The following RANBP2 variants were observed in gnomAD, a reference collection of about 807,000 sequenced individuals.
RANBP2 encodes E3 SUMO-protein ligase RanBP2.
Under a neutral mutation model 303.6 loss-of-function variants are expected in RANBP2, and 57 were observed. That is an observed-to-expected ratio of 0.19 (90% CI 0.15 to 0.23). The LOEUF (loss-of-function observed/expected upper bound fraction) is 0.23. Ranked by LOEUF, RANBP2 falls within the 10% of genes least tolerant of loss-of-function variation. The probability of loss-of-function intolerance (pLI) is 1.00; values close to 1 mark genes in which losing one functional copy is unlikely to be tolerated. For synonymous variants in RANBP2, 1,167 were observed against 1,301.5 expected, an observed-to-expected ratio of 0.90 and a Z score of 2.23; for missense variants, 3,138 against 3,780.8, an observed-to-expected ratio of 0.83 and a Z score of 4.46.
At chr2:108,894,625 T>G in the RANBP2 span, 4 of 152,670 alleles carry the variant, frequency 2.6e-5, no homozygotes, top group Non-Finnish European at 2.9e-5. Flanking sequence ...TGCAGAATTA[T>G]GAATATCTCC....
the RANBP2 span, among the ~76,000 whole-genome samples, chr2:108,927,350 C>G: frequency 6.6e-6 from 1 of 152,200 alleles, no homozygotes; most frequent in Non-Finnish European, 1.5e-5. Context: ...GCCCAGAGAG[C>G]AGCCTGCCCA....
chr2:108,861,631 C>G, the RANBP2 span, among the ~76,000 whole-genome samples: 2 of 152,074 alleles, frequency 1.3e-5, no homozygotes, highest in Admixed American at 1.3e-4. Context: ...CAGGTGCACA[C>G]CGCCACACCT....
the RANBP2 span, among the ~76,000 whole-genome samples, chr2:109,052,487 C>T: frequency 5.3e-5 from 8 of 152,154 alleles, no homozygotes; most frequent in Non-Finnish European, 1.0e-4. Flanking sequence ...GCCTCAACAT[C>T]GTCTGATTTT....
the RANBP2 span, among the ~76,000 whole-genome samples, chr2:108,815,473 T>TTG: frequency 0.012 from 1,610 of 138,268 alleles, 44 homozygotes; most frequent in African/African-American, 0.043. Flanking sequence ...TTTTTTTTTT[T>TTG]TTTTTTTTTT....
the RANBP2 span, among the ~76,000 whole-genome samples, chr2:109,766,596 A>G: frequency 6.6e-6 from 1 of 150,564 alleles, no homozygotes; most frequent in Non-Finnish European, 1.5e-5. Flanking sequence ...GGGTTTTAAA[A>G]TGCTAAGAAT....
the RANBP2 span, among the ~76,000 whole-genome samples, chr2:109,131,882 A>G: frequency 1.3e-5 from 2 of 152,212 alleles, no homozygotes; most frequent in Non-Finnish European, 2.9e-5. Flanking sequence ...TTATTTAACT[A>G]ATAAGCAGGA....
the RANBP2 span, among the ~76,000 whole-genome samples, chr2:109,254,336 A>G: frequency 6.6e-6 from 1 of 152,272 alleles, no homozygotes; most frequent in East Asian, 1.9e-4. Context: ...TTCTACCTGT[A>G]TAATCCTGTG....
chr2:109,555,205 C>T, the RANBP2 span, among the ~76,000 whole-genome samples: 1 of 152,100 alleles, frequency 6.6e-6, no homozygotes, highest in East Asian at 1.9e-4. Flanking sequence ...AATAAGGTCC[C>T]ACCTCCTTTA....
the RANBP2 span, among the ~76,000 whole-genome samples, chr2:109,438,427 G>T: frequency 2.0e-5 from 3 of 152,190 alleles, no homozygotes; most frequent in African/African-American, 4.8e-5. Flanking sequence ...TGTGCTGGTG[G>T]TGTACCTGTC....
the RANBP2 span, among the ~76,000 whole-genome samples, chr2:109,494,480 T>A: frequency 6.6e-6 from 1 of 151,404 alleles, no homozygotes; most frequent in African/African-American, 2.4e-5. Context: ...GGGAAAATGC[T>A]GACTCCTCGG....
the RANBP2 span, among the ~76,000 whole-genome samples, chr2:109,636,497 A>AT: frequency 2.6e-5 from 4 of 152,178 alleles, no homozygotes; most frequent in Non-Finnish European, 4.4e-5. Flanking sequence ...CAAAATGCCA[A>AT]TATTGTAGAG....
chr2:108,869,731 A>T, the RANBP2 span, among the ~76,000 whole-genome samples: 1 of 152,208 alleles, frequency 6.6e-6, no homozygotes, highest in Non-Finnish European at 1.5e-5. Context: ...GACAGGATGC[A>T]TGCCCAGACA....
chr2:109,382,795 G>C, the RANBP2 span, among the ~76,000 whole-genome samples: 114 of 152,340 alleles, frequency 7.5e-4, no homozygotes, highest in African/African-American at 2.5e-3. Context: ...TTTGAAGTTA[G>C]CACCCCCAAT....
the RANBP2 span, among the ~76,000 whole-genome samples, chr2:109,000,935 GTGCCC>G: frequency 1.3e-3 from 192 of 152,260 alleles, 2 homozygotes; most frequent in African/African-American, 4.4e-3. Context: ...AATTCCTTCA[GTGCCC>G]TGCCCTGAGG....
the RANBP2 span, among the ~76,000 whole-genome samples, chr2:109,047,646 TA>T: frequency 6.6e-6 from 1 of 152,122 alleles, no homozygotes; most frequent in Non-Finnish European, 1.5e-5. Context: ...CCATCTCTAC[TA>T]AAACATACAA....
the RANBP2 span, among the ~76,000 whole-genome samples, chr2:109,590,082 G>A: frequency 1.4e-5 from 2 of 145,154 alleles, no homozygotes; most frequent in South Asian, 2.2e-4. Context: ...ACATATATAT[G>A]TATATATATA....
chr2:108,731,790 A>G (rs1307067684), intron 4 of RANBP2: 1 of 276,016 alleles, frequency 3.6e-6, no homozygotes, highest in Non-Finnish European at 6.8e-6. Flanking sequence ...TGCTTCATTA[A>G]GTGAAAATTA....
the RANBP2 span, chr2:109,614,409 C>G: frequency 9.5e-7 from 1 of 1,052,140 alleles, no homozygotes; most frequent in Non-Finnish European, 1.2e-6. Flanking sequence ...ACTCCGCCGC[C>G]GTCGGGAGCC....
chr2:109,662,304 A>G, the RANBP2 span, among the ~76,000 whole-genome samples: 1 of 151,842 alleles, frequency 6.6e-6, no homozygotes, highest in South Asian at 2.1e-4. Flanking sequence ...CTTTTTTTAA[A>G]AAACAGAGTT....
Sources: gnomAD v4.1 joint callset for allele counts (sites outside exome capture counted in the v4.1 genomes callset) on GRCh38, gnomAD v4.1.1 for gene constraint, MANE v1.5 for transcripts, NCBI Gene and HGNC (gene_info 2026-07-23, HGNC 2026-07-21) for gene names.